The following ZFHX3 variants were observed in gnomAD, a reference collection of about 807,000 sequenced individuals.
ZFHX3 encodes the protein zinc finger homeobox 3.
Under a neutral mutation model 279.1 loss-of-function variants are expected in ZFHX3, and 42 were observed. The ratio of observed to expected loss-of-function variants is 0.15; its 90% CI spans 0.12 to 0.19. The LOEUF is 0.19. ZFHX3 is among the 10% of genes least tolerant of loss of function. The pLI is 1.00. For synonymous variants in ZFHX3, 2,293 were observed against 1,957.8 expected (o/e 1.17, Z -4.52); for missense variants, 4,981 against 4,754.0 (o/e 1.05, Z -1.40).
intron 4 of ZFHX3, among the ~76,000 whole-genome samples, chr16:72,872,468 C>T (rs1245013413): frequency 1.3e-5 from 2 of 152,006 alleles, no homozygotes; most frequent in African/African-American, 4.8e-5. Context: ...TTGTGTTTTG[C>T]TTTTTTTGAG....
intron 2 of ZFHX3, chr16:73,486,702 T>C: frequency 2.3e-6 from 1 of 435,220 alleles, no homozygotes; most frequent in Non-Finnish European, 4.6e-6. Context: ...AGGACTTTCC[T>C]GGTTTCCTGC....
chr16:73,528,108 G>A (rs2019726062), intron 2 of ZFHX3, among the ~76,000 whole-genome samples: 1 of 152,200 alleles, frequency 6.6e-6, no homozygotes, highest in Admixed American at 6.5e-5. Flanking sequence ...TAAAATGGGA[G>A]CGGCCTCCTG....
At chr16:73,454,125 T>C (rs757069371) in intron 3 of ZFHX3, among the ~76,000 whole-genome samples, 7 of 152,194 alleles carry the variant, frequency 4.6e-5, no homozygotes, top group Non-Finnish European at 8.8e-5. Flanking sequence ...TGATTCTTTA[T>C]TATGCTCAGA....
intron 3 of ZFHX3, among the ~76,000 whole-genome samples, chr16:73,372,068 G>C (rs2016641248): frequency 6.6e-6 from 1 of 152,198 alleles, no homozygotes; most frequent in South Asian, 2.1e-4. Context: ...GTCCATAAAA[G>C]TCTATGTACA....
intron 3 of ZFHX3, among the ~76,000 whole-genome samples, chr16:73,431,139 A>C (rs1362214254): frequency 1.3e-5 from 2 of 152,224 alleles, no homozygotes; most frequent in Non-Finnish European, 2.9e-5. Flanking sequence ...ATTGACAGAA[A>C]ATTCACCTTG....
At chr16:73,758,093 C>T (rs2053828790) in intron 1 of ZFHX3, among the ~76,000 whole-genome samples, 1 of 152,172 alleles carries the variant, frequency 6.6e-6, no homozygotes, top group South Asian at 2.1e-4. Context: ...GCCCAAAATC[C>T]TGAACAATTC....
intron 1 of ZFHX3, among the ~76,000 whole-genome samples, chr16:73,831,375 G>A (rs571941562): frequency 6.6e-6 from 1 of 152,176 alleles, no homozygotes; most frequent in African/African-American, 2.4e-5. Context: ...GCAGCCCTGG[G>A]GGCTCTGATG....
chr16:73,608,959 T>A (rs1365137203), intron 2 of ZFHX3: 1 of 152,206 alleles, frequency 6.6e-6, no homozygotes, highest in African/African-American at 2.4e-5. Flanking sequence ...CCGTCTATTT[T>A]CTCCTCACTA....
intron 2 of ZFHX3, among the ~76,000 whole-genome samples, chr16:73,476,533 G>A (rs1175382332): frequency 1.3e-5 from 2 of 152,130 alleles, no homozygotes; most frequent in Non-Finnish European, 2.9e-5. Context: ...TGGCTTGATT[G>A]CTCTAATGGA....
exon 1 of ZFHX3, chr16:73,058,868 A>AGCGGCGGCG (rs934867928): frequency 7.8e-6 from 1 of 128,872 alleles, no homozygotes; most frequent in East Asian, 2.1e-4. Context: ...ACGGAAGAGA[A>AGCGGCGGCG]GCGGCGGCGG....
intron 1 of ZFHX3, among the ~76,000 whole-genome samples, chr16:73,716,612 A>AACACACACACACACAC (rs144449904): frequency 3.2e-5 from 1 of 31,696 alleles, no homozygotes; most frequent in African/African-American, 5.0e-5. Flanking sequence ...TCTTACTCTG[A>AACACACACACACACAC]ACACACACAC....
Position 73,001,780 on chromosome 16 carries a change from A to G in ZFHX3, c.-49-41586T>C, listed in dbSNP as rs117153019. Reference sequence around the variant, plus strand: ...GGCTGCAGTGAGCCCTGACTGCACCACCACGCACTTCAGCTTGGACAAGAC... The same window carrying G: ...GGCTGCAGTGAGCCCTGACTGCACCGCCACGCACTTCAGCTTGGACAAGAC... On this transcript the variant is annotated intron_variant, in intron 1 of 9. Transcript: ENST00000268489. 6.7e-3 allele frequency among the ~76,000 whole-genome samples: 1,012 copies of G among 151,938 alleles called. 32 individuals carry two copies. The East Asian group carries it at 0.096, about 14-fold the overall frequency.
At chr16:73,105,492 C>T (rs889210072) in intron 7 of ZFHX3, among the ~76,000 whole-genome samples, 52 of 146,346 alleles carry the variant, frequency 3.6e-4, no homozygotes, top group Non-Finnish European at 2.3e-4. Flanking sequence ...TGGCTCACAC[C>T]TGTAATCCCA....
At chr16:73,057,248 A>C (rs1471417824) in intron 1 of ZFHX3, among the ~76,000 whole-genome samples, 2 of 152,256 alleles carry the variant, frequency 1.3e-5, no homozygotes, top group Non-Finnish European at 2.9e-5. Context: ...AGAATAGCAC[A>C]ACATTGAACA....
chr16:72,922,749 A>G (rs2039614743), intron 3 of ZFHX3, among the ~76,000 whole-genome samples: 1 of 152,212 alleles, frequency 6.6e-6, no homozygotes, highest in Non-Finnish European at 1.5e-5. Context: ...TACATGCTGT[A>G]CAGTTTTTAG....
At chr16:73,171,559 A>AG (rs964574745) in intron 5 of ZFHX3, among the ~76,000 whole-genome samples, 3 of 152,126 alleles carry the variant, frequency 2.0e-5, no homozygotes, top group African/African-American at 4.8e-5. Context: ...ACAGCCGCAA[A>AG]GGGGAATCTG....
At chr16:73,477,379 T>G (rs1371899254) in intron 2 of ZFHX3, among the ~76,000 whole-genome samples, 1 of 152,244 alleles carries the variant, frequency 6.6e-6, no homozygotes, top group Non-Finnish European at 1.5e-5. Flanking sequence ...GTACATGTGG[T>G]TTTTGGAGCT....
At chr16:73,293,587 T>C (rs149638969) in intron 4 of ZFHX3, among the ~76,000 whole-genome samples, 1 of 152,234 alleles carries the variant, frequency 6.6e-6, no homozygotes, top group African/African-American at 2.4e-5. Flanking sequence ...ATGAGGAAAA[T>C]GAATTAAAGG....
At chr16:73,216,738 G>C (rs28384090) in intron 5 of ZFHX3, among the ~76,000 whole-genome samples, 5,271 of 151,976 alleles carry the variant, frequency 0.035, 129 homozygotes, top group South Asian at 0.071. Flanking sequence ...ACTCCAGCCT[G>C]GGTGACCGAG....
Sources: gnomAD v4.1 joint callset for allele counts (sites outside exome capture counted in the v4.1 genomes callset) on GRCh38, gnomAD v4.1.1 for gene constraint, MANE v1.5 for transcripts, NCBI Gene and HGNC (gene_info 2026-07-23, HGNC 2026-07-21) for gene names.